Variants in TACC2 observed in about 807,000 individuals in gnomAD.
TACC2 encodes the protein transforming acidic coiled-coil-containing protein 2.
Under a neutral mutation model 227.3 loss-of-function variants are expected in TACC2, and 137 were observed. The ratio of observed to expected loss-of-function variants is 0.60; its 90% confidence interval spans 0.52 to 0.69. TACC2 has a LOEUF of 0.69. Among genes scored for constraint, TACC2 ranks in the 30% least tolerant of loss-of-function variants. The pLI, the probability that TACC2 is intolerant of heterozygous loss-of-function variation, is 0.00. For missense variants in TACC2, 3,470 were observed against 3,694.4 expected, an observed-to-expected ratio of 0.94 and a Z score of 1.57; for synonymous variants, 1,523 against 1,487.5, an observed-to-expected ratio of 1.02 and a Z score of -0.55.
chr10:122,099,066 C>T (rs1474696808), intron 5 of TACC2, among the ~76,000 whole-genome samples: 14 of 152,290 alleles, frequency 9.2e-5, no homozygotes, highest in African/African-American at 3.4e-4. Flanking sequence ...CTGTGCTGAG[C>T]ACATCTCATG....
chr10:122,217,247 CTG>C (rs2095424327), intron 11 of TACC2, among the ~76,000 whole-genome samples: 1 of 152,090 alleles, frequency 6.6e-6, no homozygotes, highest in African/African-American at 2.4e-5. Context: ...AGGCCCCATA[CTG>C]TGTTCAGACA....
chr10:122,192,886 C>A, intron 7 of TACC2: 1 of 413,260 alleles, frequency 2.4e-6, no homozygotes, highest in Non-Finnish European at 5.0e-6. Context: ...CGGGGCAGCA[C>A]CCGGGGCAGC....
At chr10:122,142,448 A>G (rs563098024) in intron 6 of TACC2, among the ~76,000 whole-genome samples, 3 of 152,334 alleles carry the variant, frequency 2.0e-5, no homozygotes, top group East Asian at 3.9e-4. Context: ...GACCAGACTT[A>G]TGGGCAAGAC....
chr10:121,998,154 C>CA (rs1158692877), intron 1 of TACC2, among the ~76,000 whole-genome samples: 2 of 151,282 alleles, frequency 1.3e-5, no homozygotes, highest in Admixed American at 6.6e-5. Context: ...ACTAAAAATA[C>CA]AAAAAAAATT....
intron 7 of TACC2, among the ~76,000 whole-genome samples, chr10:122,146,073 G>A (rs555445801): frequency 1.3e-5 from 2 of 152,300 alleles, no homozygotes; most frequent in African/African-American, 4.8e-5. Flanking sequence ...ATGGAGCAAT[G>A]AGTTACTAGG....
At chr10:122,063,492 TG>T (rs1699525496) in intron 3 of TACC2, among the ~76,000 whole-genome samples, 1 of 152,106 alleles carries the variant, frequency 6.6e-6, no homozygotes, top group African/African-American at 2.4e-5. Flanking sequence ...CTGAATTAGG[TG>T]TGTGTCTGTT....
At position 122,195,118 on chromosome 10, in the gene TACC2, A is replaced by G. The variant is rs748566906; in HGVS notation, c.5913A>G (p.Pro1971=). 44 of 1,240,164 alleles carry G rather than the reference A, an allele frequency of 3.5e-5. No homozygotes were observed. The highest frequency in any genetic ancestry group is 4.6e-5 in the Non-Finnish European group (42 of 912,158). The allele number at this position is 1,240,164 out of a possible 1,614,324, so 76.8% of individuals were successfully genotyped here. Residue 1971 remains proline, a synonymous_variant, in exon 8 of 23, where the codon CCA becomes CCG. Transcript: ENST00000369005. Reference sequence around the variant, plus strand: ...AAGCTCCGCCAGCTCCACCCCCACCACCCCCCGAAGTCATCCCAGAACCCG... The same window carrying G: ...AAGCTCCGCCAGCTCCACCCCCACCGCCCCCCGAAGTCATCCCAGAACCCG... ...PVKAPPAPPP[P]PPEVIPEPEV...
rs139933944 is a variant in TACC2 at position 122,087,073 on chromosome 10, C to G, written c.4573C>G (p.Leu1525Val). ...GGAGATGGCAGGTGTCCCACCCACACTGAGGGAAGACGAGAGGCCAGAGGG... is the reference window on the plus strand; with the variant it reads ...GGAGATGGCAGGTGTCCCACCCACAGTGAGGGAAGACGAGAGGCCAGAGGG... ...GKEMAGVPPT[L>V]REDERPEGPG... The change falls in exon 4 of 23, where the codon CTG becomes GTG. Residue 1525 changes from leucine to valine, a missense_variant. Physicochemically the swap from Leu to Val is conservative, Grantham distance 32. Coordinates refer to ENST00000369005, the MANE Select transcript of TACC2 (RefSeq NM_206862.4). 2 of 1,612,656 alleles carry G rather than the reference C, an allele frequency of 1.2e-6. No individual in the cohort carries two copies. Among genetic ancestry groups the G allele is most frequent in the African/African-American group, 2.7e-5 (2 of 74,918 alleles).
chr10:122,015,668 A>C (rs1276061101), intron 1 of TACC2, among the ~76,000 whole-genome samples: 1 of 152,014 alleles, frequency 6.6e-6, no homozygotes, highest in Non-Finnish European at 1.5e-5. Flanking sequence ...CCTGGCCAAC[A>C]TGGTGAAAAC....
intron 7 of TACC2, among the ~76,000 whole-genome samples, chr10:122,159,557 C>T (rs1057104364): frequency 1.3e-5 from 2 of 152,118 alleles, no homozygotes; most frequent in African/African-American, 2.4e-5. Flanking sequence ...TTGTGTGACA[C>T]GGGGCTGGAT....
intron 1 of TACC2, among the ~76,000 whole-genome samples, chr10:122,015,204 A>G (rs1198030037): frequency 6.6e-6 from 1 of 152,138 alleles, no homozygotes; most frequent in Non-Finnish European, 1.5e-5. Context: ...TAAAAAAACA[A>G]AAACAAAAAC....
intron 5 of TACC2, among the ~76,000 whole-genome samples, chr10:122,100,936 T>C (rs1180830248): frequency 6.6e-6 from 1 of 152,108 alleles, no homozygotes; most frequent in African/African-American, 2.4e-5. Flanking sequence ...GGGACCACAT[T>C]CTGGTTCAAG....
chr10:122,102,851 G>GC (rs1032073967), intron 5 of TACC2, among the ~76,000 whole-genome samples: 2 of 152,204 alleles, frequency 1.3e-5, no homozygotes, highest in African/African-American at 4.8e-5. Flanking sequence ...GTGCAGAGCT[G>GC]CCCCCACACA....
intron 1 of TACC2, among the ~76,000 whole-genome samples, chr10:122,000,196 G>A (rs371911357): frequency 1.3e-5 from 2 of 152,106 alleles, no homozygotes; most frequent in African/African-American, 4.8e-5. Context: ...TCGAGACCAC[G>A]GTGAAACCCC....
At chr10:122,097,352 A>G (rs560548056) in intron 5 of TACC2, among the ~76,000 whole-genome samples, 10 of 152,234 alleles carry the variant, frequency 6.6e-5, no homozygotes, top group South Asian at 6.2e-4. Context: ...AAGGAGGAAG[A>G]AGAAAAAGAA....
chr10:122,242,025 C>T, intron 19 of TACC2, 24 bp downstream of exon 19: 1 of 1,609,540 alleles, frequency 6.2e-7, no homozygotes, highest in Non-Finnish European at 8.5e-7. Flanking sequence ...CCTGCGGGGG[C>T]TCAGGCCGGC....
At chr10:122,034,915 G>A (rs1959757833) in intron 2 of TACC2, among the ~76,000 whole-genome samples, 1 of 142,440 alleles carries the variant, frequency 7.0e-6, no homozygotes, top group Non-Finnish European at 1.5e-5. Flanking sequence ...GCGATAGAGT[G>A]AGACTCCATC....
intron 5 of TACC2, among the ~76,000 whole-genome samples, chr10:122,100,759 T>C (rs575023348): frequency 6.6e-6 from 1 of 152,212 alleles, no homozygotes; most frequent in East Asian, 1.9e-4. Flanking sequence ...TTTCCTTTGG[T>C]ATAAAAATGT....
Position 122,064,450 on chromosome 10 carries a change from A to G in TACC2, c.146+13900A>G, listed in dbSNP as rs184137339. ...CCCTCAGTGTCATTAATATGTTCTTAGAAACTGCAATTTTAAGTGAAATGA... is the reference window on the plus strand; with the variant it reads ...CCCTCAGTGTCATTAATATGTTCTTGGAAACTGCAATTTTAAGTGAAATGA... On this transcript the variant is annotated intron_variant, in intron 3 of 22. Transcript: ENST00000369005. 3.3e-5 allele frequency among the ~76,000 whole-genome samples: 5 copies of G among 152,318 alleles called. No homozygotes were observed. The East Asian group carries it at 5.8e-4, about 18-fold the overall frequency.
Sources: gnomAD v4.1 joint callset for allele counts (sites outside exome capture counted in the v4.1 genomes callset) on GRCh38, gnomAD v4.1.1 for gene constraint, MANE v1.5 for transcripts, NCBI Gene and HGNC (gene_info 2026-07-23, HGNC 2026-07-21) for gene names.